Variants in PHEX observed in about 807,000 individuals in gnomAD.
PHEX encodes the protein phosphate regulating endopeptidase X-linked.
Under a neutral mutation model 68.0 loss-of-function variants are expected in PHEX, and 16 were observed. That is an observed-to-expected ratio of 0.24 (90% CI 0.16 to 0.36). The LOEUF is 0.36. Among genes scored for constraint, PHEX ranks in the 10% least tolerant of loss-of-function variants. The pLI is 1.00. For synonymous variants in PHEX, 208 were observed against 205.1 expected (o/e 1.01, Z -0.12); for missense variants, 480 against 575.5 (o/e 0.83, Z 1.70).
In PHEX at chrX:22,248,015, GCCTTCATCGCCCATTGCT is replaced by G; in HGVS notation, c.*63_*80del. 1 of 789,597 alleles carries G rather than the reference GCCTTCATCGCCCATTGCT, an allele frequency of 1.3e-6. No individual in the cohort carries two copies. Among genetic ancestry groups the G allele is most frequent in the Non-Finnish European group, 2.0e-6 (1 of 511,021 alleles). 65.1% of individuals were successfully genotyped at this position (789,597 alleles called of 1,213,427 possible). A position where few individuals can be genotyped will look rare whatever the true frequency, so the allele number is the denominator to read the frequency against. ...ACAGTGCCAGCGGAGGCTGCACTGA[GCCTTCATCGCCCATTGCT>G]TTAGGCCTGGAGACTTTCATTTTTA... On this transcript the variant is annotated 3_prime_UTR_variant, in exon 22 of 22. Coordinates refer to ENST00000379374, the MANE Select transcript of PHEX (RefSeq NM_000444.6).
intron 9 of PHEX, among the ~76,000 whole-genome samples, chrX:22,107,371 A>T (rs952522064): frequency 9.0e-6 from 1 of 111,638 alleles, no homozygotes; most frequent in South Asian, 3.8e-4. Flanking sequence ...CTGGCTGTTG[A>T]CCTCCTTCTC....
At chrX:22,239,051 C>A (rs1276029989) in intron 20 of PHEX, among the ~76,000 whole-genome samples, 1 of 112,094 alleles carries the variant, frequency 8.9e-6, no homozygotes, top group African/African-American at 3.2e-5. Flanking sequence ...AATCTTTGCT[C>A]TTCTGTGTAG....
At chrX:22,131,751 C>T (rs1932014727) in intron 11 of PHEX, among the ~76,000 whole-genome samples, 1 of 112,884 alleles carries the variant, frequency 8.9e-6, no homozygotes, top group African/African-American at 3.2e-5. Flanking sequence ...AATTGATTTA[C>T]AACCCCATGC....
At chrX:22,033,494 G>A (rs1926890871) in intron 1 of PHEX, among the ~76,000 whole-genome samples, 1 of 112,112 alleles carries the variant, frequency 8.9e-6, no homozygotes, top group Non-Finnish European at 1.9e-5. Context: ...TTTACATTGT[G>A]ATGAAAACCA....
In PHEX at chrX:22,130,330, G is replaced by A. The variant is rs190806713; in HGVS notation, c.1303-3193G>A. 3.0e-3 allele frequency among the ~76,000 whole-genome samples: 333 copies of A among 110,719 alleles called. 1 individual carries two copies. The highest frequency in any genetic ancestry group is 0.01 in the African/African-American group (311 of 30,457). ...TGAGGCGGGTGGATCACCTGAGCTC[G>A]GAGGTTCGAGACTAGCCTGGGCAAT... On this transcript the variant is annotated intron_variant, in intron 11 of 21. Coordinates refer to ENST00000379374, the MANE Select transcript of PHEX (RefSeq NM_000444.6).
chrX:22,152,729 A>G (rs1007929858), intron 12 of PHEX, among the ~76,000 whole-genome samples: 29 of 111,978 alleles, frequency 2.6e-4, no homozygotes, highest in Non-Finnish European at 3.9e-4. Flanking sequence ...TGAAGGTGGA[A>G]GGGTTATTCA....
At chrX:22,155,674 G>T (rs759400541) in intron 12 of PHEX, among the ~76,000 whole-genome samples, 2 of 111,726 alleles carry the variant, frequency 1.8e-5, no homozygotes, top group Non-Finnish European at 3.8e-5. Context: ...TTTAAATGTA[G>T]ATATTTACCT....
At chrX:22,209,939 G>T (rs1602392469) in intron 15 of PHEX, among the ~76,000 whole-genome samples, 1 of 99,692 alleles carries the variant, frequency 1.0e-5, no homozygotes, top group East Asian at 3.2e-4. Context: ...TGTTGAAATG[G>T]TAAAAAAAAA....
chrX:22,047,147 C>T lies in PHEX; in HGVS notation c.285C>T (p.Pro95=). 1 of 1,208,002 alleles carries T rather than the reference C, an allele frequency of 8.3e-7. No homozygotes were observed. Among genetic ancestry groups the T allele is most frequent in the Non-Finnish European group, 1.1e-6 (1 of 892,349 alleles). Residue 95 remains proline, a synonymous_variant, in exon 3 of 22, where the codon CCC becomes CCT. Coordinates refer to ENST00000379374, the MANE Select transcript of PHEX (RefSeq NM_000444.6). ...GCTGGATAAGCAATAATCCAATTCC[C>T]GAAGATATGCCAAGCTATGGGGTTT... ...CDGWISNNPI[P]EDMPSYGVYP...
At chrX:22,203,210 T>G (rs991125529) in intron 15 of PHEX, among the ~76,000 whole-genome samples, 2 of 109,676 alleles carry the variant, frequency 1.8e-5, no homozygotes, top group African/African-American at 3.3e-5. Flanking sequence ...GTGGCAGGGG[T>G]GAAGGGAGGT....
intron 16 of PHEX, among the ~76,000 whole-genome samples, chrX:22,216,489 A>ATGCT (rs770735972): frequency 1.3e-3 from 103 of 78,715 alleles, no homozygotes; most frequent in African/African-American, 5.5e-3. Flanking sequence ...TTATTTTTTT[A>ATGCT]TGCTTATTTA....
chrX:22,187,325 C>T (rs1444707657), intron 14 of PHEX, among the ~76,000 whole-genome samples: 1 of 111,486 alleles, frequency 9.0e-6, no homozygotes. Context: ...TGCTGGCTAT[C>T]GCCTGGAAGC....
chrX:22,106,837 A>C (rs1930720492), intron 9 of PHEX, among the ~76,000 whole-genome samples: 1 of 109,545 alleles, frequency 9.1e-6, no homozygotes, highest in Non-Finnish European at 1.9e-5. Flanking sequence ...GGCATAGGGA[A>C]AAGCATGCAG....
intron 12 of PHEX, among the ~76,000 whole-genome samples, chrX:22,139,094 ATTACT>A (rs1389813324): frequency 3.6e-5 from 4 of 112,186 alleles, no homozygotes; most frequent in Non-Finnish European, 3.8e-5. Context: ...CCCTTTGGAA[ATTACT>A]TAACTTCTTC....
At chrX:22,048,326 T>C (rs1467024545) in intron 3 of PHEX, among the ~76,000 whole-genome samples, 3 of 111,669 alleles carry the variant, frequency 2.7e-5, no homozygotes, top group Non-Finnish European at 5.6e-5. Context: ...TCTCATACTA[T>C]AAAATCATAA....
chrX:22,203,985 C>T (rs1401706617), intron 15 of PHEX, among the ~76,000 whole-genome samples: 1 of 111,246 alleles, frequency 9.0e-6, no homozygotes, highest in African/African-American at 3.3e-5. Flanking sequence ...TGCTTATGTT[C>T]AGGGTTCCAT....
intron 9 of PHEX, among the ~76,000 whole-genome samples, chrX:22,106,309 C>A (rs1043217855): frequency 3.6e-5 from 4 of 111,860 alleles, no homozygotes; most frequent in African/African-American, 1.3e-4. Context: ...GTGTGAACTT[C>A]TCAGCATTAC....
chrX:22,176,400 AAAATATAT>A (rs1933706356), intron 13 of PHEX, among the ~76,000 whole-genome samples: 1 of 62,539 alleles, frequency 1.6e-5, no homozygotes, highest in Non-Finnish European at 2.8e-5. Context: ...AAAAAAAAAA[AAAATATAT>A]ATATATATAT....
At chrX:22,107,701 C>T (rs1294409087) in intron 9 of PHEX, among the ~76,000 whole-genome samples, 2 of 112,168 alleles carry the variant, frequency 1.8e-5, no homozygotes, top group Non-Finnish European at 3.8e-5. Flanking sequence ...TCTTAACCCT[C>T]AGTTTGAGAT....
Sources: allele counts gnomAD v4.1 joint callset (sites outside exome capture counted in the v4.1 genomes callset), GRCh38; gene constraint gnomAD v4.1.1; transcripts MANE v1.5; gene names NCBI Gene and HGNC (gene_info 2026-07-23, HGNC 2026-07-21).